PGGT1B: variants seen among roughly 807,000 people sequenced by gnomAD.
PGGT1B encodes the protein protein geranylgeranyltransferase type I subunit beta.
In PGGT1B, 30 loss-of-function variants were observed where a neutral mutation model predicts 46.1. The ratio of observed to expected loss-of-function variants is 0.65; its 90% confidence interval spans 0.49 to 0.88. The LOEUF (loss-of-function observed/expected upper bound fraction) is 0.88. Among genes scored for constraint, PGGT1B ranks in the 40% least tolerant of loss-of-function variants. PGGT1B has a pLI of 0.00. For synonymous variants in PGGT1B, 170 were observed against 160.0 expected (o/e 1.06, Z -0.47); for missense variants, 376 against 455.9 (o/e 0.82, Z 1.60).
At chr5:115,238,036 A>G (rs1292781249) in intron 3 of PGGT1B, 27 bp from the exon 4 acceptor site, 1 of 1,492,390 alleles carries the variant, frequency 6.7e-7, no homozygotes, top group Non-Finnish European at 9.1e-7. Flanking sequence ...TATAGTACTA[A>G]TTAATGAAGT....
chr5:115,245,524 T>C (rs1456083155), intron 2 of PGGT1B, among the ~76,000 whole-genome samples: 2 of 152,182 alleles, frequency 1.3e-5, no homozygotes, highest in African/African-American at 4.8e-5. Context: ...AACAATAACA[T>C]ATTGCAAGTA....
intron 6 of PGGT1B, among the ~76,000 whole-genome samples, chr5:115,227,965 A>C (rs867509612): frequency 1.3e-5 from 2 of 152,324 alleles, no homozygotes; most frequent in Middle Eastern, 3.4e-3. Context: ...GTAACTGGCA[A>C]ATTAAAAACA....
At chr5:115,228,681 A>C (rs265434) in intron 6 of PGGT1B, among the ~76,000 whole-genome samples, 1 of 152,008 alleles carries the variant, frequency 6.6e-6, no homozygotes, top group African/African-American at 2.4e-5. Flanking sequence ...CTATTCAGAG[A>C]AAAGAAAGCT....
Position 115,209,298 on chromosome 5 carries a change from C to T in PGGT1B, c.*3104G>A, listed in dbSNP as rs1756154417. The T allele has an allele frequency of 6.6e-6, 1 of 152,022 alleles. No individual in the cohort carries two copies. 9.4% of individuals were successfully genotyped at this position (152,022 alleles called of 1,614,324 possible). ...CTCATAAGCTTCAAGAGGTACACAG[C>T]GTAAAACCCAGACAGCTCTAATGCA... On this transcript the variant is annotated 3_prime_UTR_variant, in exon 9 of 9. Coordinates refer to ENST00000419445, the MANE Select transcript of PGGT1B (RefSeq NM_005023.4).
rs755476746 is a variant in PGGT1B, at chr5:115,253,236, C to T, written c.160G>A (p.Ala54Thr). 21 of 1,574,474 alleles carry T rather than the reference C, an allele frequency of 1.3e-5. No homozygotes were observed. Among genetic ancestry groups the T allele is most frequent in the African/African-American group, 4.2e-5 (3 of 72,150 alleles). The change falls in exon 2 of 9, where the codon GCA becomes ACA. Residue 54 changes from alanine to threonine, a missense_variant. By Grantham distance (58) the Ala-to-Thr change is moderately conservative. Around this residue, in one of 2 missense-constraint regions of PGGT1B, gnomAD observed 154 missense variants for 142.3 expected, o/e 1.08. Coordinates refer to ENST00000419445, the MANE Select transcript of PGGT1B (RefSeq NM_005023.4). ...ETSRLTIAFF[A>T]LSGLDMLDSL... ...TCCAACATATCCAGCCCGGAGAGTG[C>T]AAAAAATGCAATTGTCAACCTAAAA...
intron 2 of PGGT1B, among the ~76,000 whole-genome samples, chr5:115,246,767 G>C (rs1366961136): frequency 6.6e-6 from 1 of 152,138 alleles, no homozygotes; most frequent in Non-Finnish European, 1.5e-5. Context: ...ATCCCGGTTT[G>C]ACACATAGTC....
At chr5:115,231,315 A>G (rs1756972889) in intron 5 of PGGT1B, among the ~76,000 whole-genome samples, 1 of 151,904 alleles carries the variant, frequency 6.6e-6, no homozygotes, top group African/African-American at 2.4e-5. Context: ...AAAGCTCCAA[A>G]CCTTACTCCT....
chr5:115,221,374 A>T (rs1370189745), intron 7 of PGGT1B, among the ~76,000 whole-genome samples: 1 of 151,978 alleles, frequency 6.6e-6, no homozygotes, highest in African/African-American at 2.4e-5. Flanking sequence ...GAAGGTTTAA[A>T]CAAATAAATA....
Position 115,210,514 on chromosome 5 carries a change from G to T in PGGT1B, c.*1888C>A, listed in dbSNP as rs1396158636. ...AAGTCTCCCACAAGTGTATCAATTA[G>T]AAGCATACTAAAATTTATAATCTTA... On this transcript the variant is annotated 3_prime_UTR_variant, in exon 9 of 9. Transcript: ENST00000419445. 1.3e-5 allele frequency: 2 copies of T among 152,130 alleles called. No individual in the cohort carries two copies. Among genetic ancestry groups the T allele is most frequent in the Non-Finnish European group, 2.9e-5 (2 of 67,964 alleles). The allele number at this position is 152,130 out of a possible 1,614,324, so 9.4% of individuals were successfully genotyped here.
At chr5:115,242,701 C>T (rs1201607043) in intron 2 of PGGT1B, among the ~76,000 whole-genome samples, 1 of 152,164 alleles carries the variant, frequency 6.6e-6, no homozygotes, top group Admixed American at 6.6e-5. Flanking sequence ...TGGTAGCTCA[C>T]GCCTATAATC....
At chr5:115,243,949 C>T (rs1580770100) in intron 2 of PGGT1B, among the ~76,000 whole-genome samples, 1 of 152,164 alleles carries the variant, frequency 6.6e-6, no homozygotes, top group Non-Finnish European at 1.5e-5. Context: ...TGCTCCCTTT[C>T]TCTGCAATTC....
intron 4 of PGGT1B, among the ~76,000 whole-genome samples, 178 bp from the exon 5 acceptor site, chr5:115,236,700 A>G (rs1261073822): frequency 1.3e-5 from 2 of 152,112 alleles, no homozygotes; most frequent in Non-Finnish European, 2.9e-5. Flanking sequence ...ACTAACTTGA[A>G]TAATATAAAA....
chr5:115,262,085 A>G (rs1265579237), intron 1 of PGGT1B, among the ~76,000 whole-genome samples: 1 of 152,238 alleles, frequency 6.6e-6, no homozygotes, highest in Non-Finnish European at 1.5e-5. Flanking sequence ...AATGCGGAGC[A>G]AAGATTGCCT....
chr5:115,253,296 C>A, intron 1 of PGGT1B, 41 bp from the exon 2 acceptor site: 1 of 1,488,058 alleles, frequency 6.7e-7, no homozygotes, highest in Non-Finnish European at 9.1e-7. Context: ...AACTATCATA[C>A]CACTTAAGTC....
intron 1 of PGGT1B, among the ~76,000 whole-genome samples, chr5:115,257,155 A>G (rs1748355534): frequency 1.3e-5 from 2 of 150,436 alleles, no homozygotes; most frequent in Non-Finnish European, 2.9e-5. Context: ...GGGTTAACCT[A>G]AGTGTCTCCA....
chr5:115,248,076 T>TA (rs962406480), intron 2 of PGGT1B, among the ~76,000 whole-genome samples: 3 of 152,224 alleles, frequency 2.0e-5, no homozygotes, highest in South Asian at 2.1e-4. Flanking sequence ...AAGAATCCAC[T>TA]AAAAAAATGA....
chr5:115,238,975 A>T (rs1757270291), intron 3 of PGGT1B, among the ~76,000 whole-genome samples: 2 of 152,242 alleles, frequency 1.3e-5, no homozygotes, highest in South Asian at 4.1e-4. Flanking sequence ...TCACAGAATG[A>T]ATTTGAATGG....
intron 1 of PGGT1B, among the ~76,000 whole-genome samples, chr5:115,258,950 T>A (rs923430104): frequency 1.3e-5 from 2 of 152,184 alleles, no homozygotes; most frequent in African/African-American, 4.8e-5. Flanking sequence ...ACAGTTCCCA[T>A]AAAGTAAATT....
At chr5:115,214,638 A>G (rs1348807667) in intron 8 of PGGT1B, among the ~76,000 whole-genome samples, 1 of 152,218 alleles carries the variant, frequency 6.6e-6, no homozygotes, top group African/African-American at 2.4e-5. Flanking sequence ...GTATCTGTAA[A>G]AAGTAAGTAG....
Sources: allele counts gnomAD v4.1 joint callset (sites outside exome capture counted in the v4.1 genomes callset), GRCh38; gene constraint gnomAD v4.1.1; regional missense constraint gnomAD v4.1.1; transcripts MANE v1.5; gene names NCBI Gene and HGNC (gene_info 2026-07-23, HGNC 2026-07-21).